Variants in CCDC13 observed in about 807,000 individuals in gnomAD.
CCDC13 encodes the protein coiled-coil domain-containing protein 13.
Under a neutral mutation model 87.3 loss-of-function variants are expected in CCDC13, and 70 were observed. The observed-to-expected ratio is 0.80, with a 90% CI of 0.66 to 0.98. The LOEUF is 0.98. CCDC13 is among the 50% of genes least tolerant of loss of function. The pLI is 0.00. For missense variants in CCDC13, 842 were observed against 892.0 expected, an observed-to-expected ratio of 0.94 and a Z score of 0.71; for synonymous variants, 317 against 360.3, an observed-to-expected ratio of 0.88 and a Z score of 1.36.
intron 5 of CCDC13, among the ~76,000 whole-genome samples, chr3:42,748,693 T>C (rs1424989955): frequency 6.6e-6 from 1 of 152,206 alleles, no homozygotes; most frequent in Non-Finnish European, 1.5e-5. Flanking sequence ...CCTCATCCAG[T>C]GTCCTCATCT....
rs1324177261 is a variant in CCDC13, at chr3:42,708,312, A to G, written c.*668T>C. 3 of 152,180 alleles carry G rather than the reference A, an allele frequency of 2.0e-5. No individual in the cohort carries two copies. Among genetic ancestry groups the G allele is most frequent in the Non-Finnish European group, 4.4e-5 (3 of 68,030 alleles). The allele number at this position is 152,180 out of a possible 1,614,324, so 9.4% of individuals were successfully genotyped here. Reference sequence around the variant, plus strand: ...GTTTCTTCATCTGTCAAATAAGACAACAAACCCCTGGGTCATTAGAGGACT... The same window carrying G: ...GTTTCTTCATCTGTCAAATAAGACAGCAAACCCCTGGGTCATTAGAGGACT... On this transcript the variant is annotated 3_prime_UTR_variant, in exon 16 of 16. Coordinates refer to ENST00000310232, the MANE Select transcript of CCDC13 (RefSeq NM_144719.4).
rs1433041684 is a variant in CCDC13 at position 42,706,700 on chromosome 3, C to T, written c.*2280G>A. Reference sequence around the variant, plus strand: ...TGTCTGCAGTTTTTCTTTCCCCTCTCTCTTATATAACTCTTGTTGAAATCA... The same window carrying T: ...TGTCTGCAGTTTTTCTTTCCCCTCTTTCTTATATAACTCTTGTTGAAATCA... On this transcript the variant is annotated 3_prime_UTR_variant, in exon 16 of 16. Coordinates refer to ENST00000310232, the MANE Select transcript of CCDC13 (RefSeq NM_144719.4). 1 of 152,252 alleles carries T rather than the reference C, an allele frequency of 6.6e-6. No homozygotes were observed. Among genetic ancestry groups the T allele is most frequent in the Non-Finnish European group, 1.5e-5 (1 of 68,038 alleles). The allele number at this position is 152,252 out of a possible 1,614,324, so 9.4% of individuals were successfully genotyped here.
intron 14 of CCDC13, among the ~76,000 whole-genome samples, chr3:42,711,241 G>A: frequency 1.2e-5 from 1 of 84,572 alleles, no homozygotes; most frequent in African/African-American, 5.9e-5. Context: ...GTGAGACTCT[G>A]TCTCCAAAAA....
At chr3:42,755,396 C>T (rs1396990427) in intron 3 of CCDC13, among the ~76,000 whole-genome samples, 2 of 152,284 alleles carry the variant, frequency 1.3e-5, no homozygotes, top group South Asian at 2.1e-4. Context: ...ATCACAAGGT[C>T]AGCAGTTCGA....
Position 42,708,057 on chromosome 3 carries a change from C to T in CCDC13, c.*923G>A, listed in dbSNP as rs1392297219. Among the ~76,000 whole-genome samples the T allele has an allele frequency of 6.6e-6, 1 of 152,148 alleles. No individual in the cohort carries two copies. The highest frequency in any genetic ancestry group is 1.5e-5 in the Non-Finnish European group (1 of 68,022). ...TGACTGGAGCCACTACCTCAAAACC[C>T]TTCTGCCTGAAGCTCCAGCTGAGCC... On this transcript the variant is annotated 3_prime_UTR_variant, in exon 16 of 16. Coordinates refer to ENST00000310232, the MANE Select transcript of CCDC13 (RefSeq NM_144719.4).
chr3:42,717,197 G>A (rs1025850050), intron 13 of CCDC13, among the ~76,000 whole-genome samples: 7 of 151,988 alleles, frequency 4.6e-5, no homozygotes, highest in Non-Finnish European at 8.8e-5. Context: ...AGGCTGAAGC[G>A]GGTGGATCAC....
Position 42,726,777 on chromosome 3 carries a change from A to T in CCDC13, c.1718+3690T>A, listed in dbSNP as rs1019600331. On this transcript the variant is annotated intron_variant, in intron 13 of 15. Transcript: ENST00000310232. ...AAGTCACACATATATACATATATAC[A>T]TATATGGGCATATTACATATATACA... Among the ~76,000 whole-genome samples, 5 of 151,922 alleles carry T rather than the reference A, an allele frequency of 3.3e-5. No homozygotes were observed. The East Asian group carries it at 5.8e-4, about 18-fold the overall frequency.
chr3:42,771,520 C>T (rs553803903), intron 1 of CCDC13, among the ~76,000 whole-genome samples: 1 of 152,286 alleles, frequency 6.6e-6, no homozygotes, highest in South Asian at 2.1e-4. Flanking sequence ...TCTACGAAGC[C>T]AAGGTGGGAG....
chr3:42,737,221 T>C (rs1169102869), intron 9 of CCDC13, among the ~76,000 whole-genome samples: 2 of 152,184 alleles, frequency 1.3e-5, no homozygotes, highest in Admixed American at 6.5e-5. Flanking sequence ...GCTTCATCCA[T>C]ATCCCTGCAA....
chr3:42,772,801 G>A (rs1436385813), intron 1 of CCDC13, among the ~76,000 whole-genome samples: 2 of 152,144 alleles, frequency 1.3e-5, no homozygotes, highest in Non-Finnish European at 2.9e-5. Context: ...ACGCCGTCGG[G>A]TCGCATCTTT....
At position 42,709,717 on chromosome 3, in the gene CCDC13, G is replaced by A. The variant is rs1698258276; in HGVS notation, c.1955C>T (p.Pro652Leu). The A allele has an allele frequency of 1.2e-6, 2 of 1,614,138 alleles. No homozygotes were observed. The highest frequency in any genetic ancestry group is 1.7e-6 in the Non-Finnish European group (2 of 1,179,996). ...CAGCTCTTCCATTTGGGATTCCACG[G>A]GCACATCGGAGAGCTGGGCAAAGGA... is the stretch of plus-strand genomic sequence containing the variant. The part of the protein sequence containing the change: ...DPSFAQLSDV[P>L]VESQMEELTT... The change falls in exon 15 of 16, where the codon CCC becomes CTC. Residue 652 changes from proline to leucine, a missense_variant. By Grantham distance (98) the Pro-to-Leu change is moderately conservative. Transcript: ENST00000310232.
At position 42,711,268 on chromosome 3, in the gene CCDC13, A is replaced by G. The variant is rs1698306250; in HGVS notation, c.1874-1470T>C. On this transcript the variant is annotated intron_variant, in intron 14 of 15. Transcript: ENST00000310232. ...CTCCAAAAAAAAAAAAAAAAAAAAG[A>G]CAAAGCTCAACTGGTGGTGGCGAAC... is the stretch of plus-strand genomic sequence containing the variant. Among the ~76,000 whole-genome samples, 4 of 150,080 alleles carry G rather than the reference A, an allele frequency of 2.7e-5. No homozygotes were observed. In the South Asian group the frequency reaches 8.4e-4, roughly 32 times the overall value.
At chr3:42,770,057 C>T (rs2125916912) in intron 1 of CCDC13, among the ~76,000 whole-genome samples, 1 of 152,374 alleles carries the variant, frequency 6.6e-6, no homozygotes, top group East Asian at 1.9e-4. Context: ...TGCGGGCACA[C>T]AGCGGGACTG....
At chr3:42,768,362 T>A (rs1470272960) in intron 1 of CCDC13, among the ~76,000 whole-genome samples, 1 of 152,178 alleles carries the variant, frequency 6.6e-6, no homozygotes, top group Non-Finnish European at 1.5e-5. Flanking sequence ...TTCAACTTCA[T>A]TAAAATTATA....
At position 42,735,918 on chromosome 3, in the gene CCDC13, G is replaced by A. The variant is rs762056846; in HGVS notation, c.1165-5C>T. ...CTGTAGCTGCTTCAGCTGGTCCTGG[G>A]GGGCCAGGCAGGAGGGCAGGTGGAG... On this transcript the variant is annotated splice_polypyrimidine_tract_variant and splice_region_variant and intron_variant, in intron 9 of 15. Transcript: ENST00000310232. The A allele has an allele frequency of 1.6e-5, 25 of 1,611,954 alleles. No individual in the cohort carries two copies. Among genetic ancestry groups the A allele is most frequent in the Admixed American group, 1.0e-4 (6 of 59,670 alleles).
intron 5 of CCDC13, among the ~76,000 whole-genome samples, chr3:42,750,494 G>C (rs1699547024): frequency 6.6e-6 from 1 of 152,164 alleles, no homozygotes; most frequent in African/African-American, 2.4e-5. Flanking sequence ...TTGAGACACA[G>C]TCTCACTCTG....
intron 4 of CCDC13, 51 bp downstream of exon 4, chr3:42,752,524 T>C (rs773147369): frequency 6.2e-7 from 1 of 1,610,198 alleles, no homozygotes; most frequent in African/African-American, 1.3e-5. Flanking sequence ...AGGTTCCCTC[T>C]TGCCCATGCT....
rs746071139 is a variant in CCDC13 at position 42,708,995 on chromosome 3, C to A, written c.2133G>T (p.Lys711Asn). 20 of 1,612,248 alleles carry A rather than the reference C, an allele frequency of 1.2e-5. No homozygotes were observed. The highest frequency in any genetic ancestry group is 1.6e-5 in the Non-Finnish European group (19 of 1,179,100). Residue 711 changes from lysine (K) to asparagine (N), a missense_variant, in exon 16 of 16, where the codon AAG becomes AAT. Physicochemically the swap from Lys to Asn is moderately conservative, Grantham distance 94. Coordinates refer to ENST00000310232, the MANE Select transcript of CCDC13 (RefSeq NM_144719.4). ...SVFLQALRQQ[K>N]TGKQ ...GGCTGTCATCCTATTGCTTGCCTGTCTTCTGCTGCCGCAGGGCCTGCAGGA... is the reference window on the plus strand; with the variant it reads ...GGCTGTCATCCTATTGCTTGCCTGTATTCTGCTGCCGCAGGGCCTGCAGGA...
Position 42,742,941 on chromosome 3 carries a change from C to T in CCDC13, c.942G>A (p.Leu314=). 1 of 1,614,146 alleles carries T rather than the reference C, an allele frequency of 6.2e-7. No individual in the cohort carries two copies. Among genetic ancestry groups the T allele is most frequent in the Non-Finnish European group, 8.5e-7 (1 of 1,179,996 alleles). ...CCCTTTCCAGGCTGCGGATCCTCAG[C>T]AGGTTTTTCTCCTGTGCCGACAGCT... The part of the protein sequence containing the change: ...PRKLSAQEKN[L]LRIRSLEREK... Residue 314 remains leucine (L), a synonymous_variant, in exon 8 of 16, where the codon CTG becomes CTA. Transcript: ENST00000310232.
Sources: gnomAD v4.1 joint callset for allele counts (sites outside exome capture counted in the v4.1 genomes callset) on GRCh38, gnomAD v4.1.1 for gene constraint, MANE v1.5 for transcripts, NCBI Gene and HGNC (gene_info 2026-07-23, HGNC 2026-07-21) for gene names.